Variants in GPRASP3 observed in about 807,000 individuals in gnomAD.
GPRASP3 encodes G protein-coupled receptor associated sorting protein 3.
the GPRASP3 span, chrX:102,721,092 G>C: frequency 9.0e-6 from 1 of 111,376 alleles, no homozygotes; most frequent in East Asian, 2.8e-4. Flanking sequence ...GCGGGTGCAG[G>C]TAATGCCTCA....
At chrX:102,737,345 A>T in the GPRASP3 span, among the ~76,000 whole-genome samples, 1 of 112,370 alleles carries the variant, frequency 8.9e-6, no homozygotes, top group Non-Finnish European at 1.9e-5. Flanking sequence ...AATAAGCCTT[A>T]ACTAAGGTTA....
the GPRASP3 span, chrX:102,749,972 A>G: frequency 8.3e-7 from 1 of 1,207,758 alleles, no homozygotes; most frequent in Non-Finnish European, 1.1e-6. Context: ...GAGGAATTTG[A>G]AAAACTTGTT....
At chrX:102,723,691 G>T in the GPRASP3 span, among the ~76,000 whole-genome samples, 1 of 111,520 alleles carries the variant, frequency 9.0e-6, no homozygotes, top group Non-Finnish European at 1.9e-5. Flanking sequence ...TGCTAATGAA[G>T]TGACTTATGG....
chrX:102,743,152 T>C, the GPRASP3 span, among the ~76,000 whole-genome samples: 110 of 110,563 alleles, frequency 9.9e-4, no homozygotes, highest in African/African-American at 3.5e-3. Flanking sequence ...GGGAATTTCC[T>C]TGTGGAAAAA....
chrX:102,727,024 C>G, the GPRASP3 span, among the ~76,000 whole-genome samples: 1 of 112,662 alleles, frequency 8.9e-6, no homozygotes, highest in Non-Finnish European at 1.9e-5. Context: ...CACTGATGCT[C>G]ACTGATGGAC....
At chrX:102,736,615 A>C in the GPRASP3 span, among the ~76,000 whole-genome samples, 1 of 111,318 alleles carries the variant, frequency 9.0e-6, no homozygotes, top group East Asian at 2.8e-4. Context: ...ACGGAGCAAG[A>C]CAGTACAATG....
chrX:102,721,255 T>C, the GPRASP3 span, among the ~76,000 whole-genome samples: 1 of 110,770 alleles, frequency 9.0e-6, no homozygotes, highest in African/African-American at 3.3e-5. Flanking sequence ...AATGGTGAAG[T>C]GACAATTCGT....
the GPRASP3 span, among the ~76,000 whole-genome samples, chrX:102,729,619 C>T: frequency 8.9e-6 from 1 of 112,181 alleles, no homozygotes; most frequent in Non-Finnish European, 1.9e-5. Context: ...CCTGTAATCC[C>T]AACACTTTGG....
chrX:102,737,887 T>G, the GPRASP3 span, among the ~76,000 whole-genome samples: 1 of 111,366 alleles, frequency 9.0e-6, no homozygotes, highest in African/African-American at 3.3e-5. Context: ...TGGGCTATTT[T>G]AGACATTACC....
At chrX:102,721,982 C>G in the GPRASP3 span, among the ~76,000 whole-genome samples, 1 of 111,998 alleles carries the variant, frequency 8.9e-6, no homozygotes, top group Admixed American at 9.5e-5. Flanking sequence ...CACAATACTT[C>G]TGGCACAGAA....
the GPRASP3 span, chrX:102,749,021 G>C: frequency 8.3e-7 from 1 of 1,209,129 alleles, no homozygotes; most frequent in Non-Finnish European, 1.1e-6. Flanking sequence ...AATAAGACAA[G>C]AGCCCAGGCC....
chrX:102,734,857 T>G, the GPRASP3 span, among the ~76,000 whole-genome samples: 1 of 111,667 alleles, frequency 9.0e-6, no homozygotes, highest in Admixed American at 9.5e-5. Context: ...GAAAGCCAAA[T>G]ACAATTTCAT....
chrX:102,747,654 A>G, the GPRASP3 span: 1 of 112,153 alleles, frequency 8.9e-6, no homozygotes, highest in Non-Finnish European at 1.9e-5. Context: ...ATCAGGCTGC[A>G]GGTCTTGGGG....
chrX:102,722,291 C>G, the GPRASP3 span, among the ~76,000 whole-genome samples: 1 of 111,746 alleles, frequency 8.9e-6, no homozygotes, highest in Admixed American at 9.5e-5. Flanking sequence ...CTTCCTATTA[C>G]TGGTTCATTA....
the GPRASP3 span, chrX:102,748,697 A>G: frequency 4.4e-6 from 1 of 228,622 alleles, no homozygotes; most frequent in Non-Finnish European, 8.0e-6. Context: ...CTTCAACCTC[A>G]GGTCCATCTC....
chrX:102,745,819 G>C, the GPRASP3 span, among the ~76,000 whole-genome samples: 1 of 111,190 alleles, frequency 9.0e-6, no homozygotes, highest in African/African-American at 3.3e-5. Flanking sequence ...TGGTCGCCAC[G>C]TTAGGGTCCG....
chrX:102,725,799 G>A, the GPRASP3 span, among the ~76,000 whole-genome samples: 1 of 112,261 alleles, frequency 8.9e-6, no homozygotes, highest in Non-Finnish European at 1.9e-5. Context: ...CACCCGCCTC[G>A]GCCACCCAAA....
chrX:102,749,490 T>TGAG, the GPRASP3 span: 1 of 1,211,261 alleles, frequency 8.3e-7, no homozygotes, highest in Non-Finnish European at 1.1e-6. Flanking sequence ...GGTCAGGGGC[T>TGAG]GAGGAGGAGG....
the GPRASP3 span, among the ~76,000 whole-genome samples, chrX:102,728,230 T>G: frequency 8.9e-6 from 1 of 111,793 alleles, no homozygotes; most frequent in Non-Finnish European, 1.9e-5. Context: ...TTAAAGATTT[T>G]TTGTAGAAAC....
Sources: allele counts gnomAD v4.1 joint callset (sites outside exome capture counted in the v4.1 genomes callset), GRCh38; gene constraint gnomAD v4.1.1; transcripts MANE v1.5; gene names NCBI Gene and HGNC (gene_info 2026-07-23, HGNC 2026-07-21).